Variants in MYO1E observed in about 807,000 individuals in gnomAD.
MYO1E encodes unconventional myosin-Ie.
MYO1E carries 68 observed loss-of-function variants against 151.1 expected under a neutral mutation model. The observed-to-expected ratio is 0.45, with a 90% confidence interval of 0.37 to 0.55. The LOEUF (loss-of-function observed/expected upper bound fraction) is 0.55. Among genes scored for constraint, MYO1E ranks in the 20% least tolerant of loss-of-function variants. The pLI, the probability that MYO1E is intolerant of heterozygous loss-of-function variation, is 0.00. For synonymous variants in MYO1E, 601 were observed against 501.7 expected (o/e 1.20, Z -2.64); for missense variants, 1,363 against 1,389.3 (o/e 0.98, Z 0.30).
chr15:59,372,396 C>A, intron 1 of MYO1E, 102 bp downstream of exon 1: 1 of 1,421,920 alleles, frequency 7.0e-7, no homozygotes, highest in Non-Finnish European at 9.6e-7. Flanking sequence ...CCACCTTCTC[C>A]ACCCCTGGCC....
At position 59,178,473 on chromosome 15, in the gene MYO1E, G is replaced by A; in HGVS notation, c.1969C>T (p.His657Tyr). 1 of 1,614,228 alleles carries A rather than the reference G, an allele frequency of 6.2e-7. No homozygotes were observed. Among genetic ancestry groups the A allele is most frequent in the Non-Finnish European group, 8.5e-7 (1 of 1,180,032 alleles). ...TCCATGTTGACCGACTGCAGCAGGTGCAGGACGCCTTGCTTCTCCTCTCCC... is the reference window on the plus strand; with the variant it reads ...TCCATGTTGACCGACTGCAGCAGGTACAGGACGCCTTGCTTCTCCTCTCCC... ...WQGEEKQGVL[H>Y]LLQSVNMDSD... is the part of the protein sequence containing the mutation. The change falls in exon 19 of 28, where the codon CAC (histidine) becomes TAC (tyrosine). Residue 657 changes from histidine (H) to tyrosine (Y), a missense_variant. His to Tyr is a moderately conservative substitution (Grantham distance 83). Coordinates refer to ENST00000288235, the MANE Select transcript of MYO1E (RefSeq NM_004998.4).
chr15:59,359,852 T>C (rs2080875888), intron 1 of MYO1E: 1 of 152,204 alleles, frequency 6.6e-6, no homozygotes, highest in Non-Finnish European at 1.5e-5. Context: ...CAGCGTTCTA[T>C]AAAACAAAGC....
intron 4 of MYO1E, among the ~76,000 whole-genome samples, chr15:59,237,890 G>A (rs539828424): frequency 1.3e-5 from 2 of 152,278 alleles, no homozygotes; most frequent in South Asian, 2.1e-4. Flanking sequence ...GCGAAACTCA[G>A]AACTTTGCTG....
intron 7 of MYO1E, 25 bp downstream of exon 7, chr15:59,227,434 G>A (rs1380700845): frequency 4.3e-6 from 7 of 1,613,780 alleles, no homozygotes; most frequent in Non-Finnish European, 5.1e-6. Context: ...CAGGAAGTGG[G>A]TAGGAAAAAA....
At chr15:59,319,934 C>T (rs111814918) in intron 1 of MYO1E, among the ~76,000 whole-genome samples, 4,989 of 151,874 alleles carry the variant, frequency 0.033, 264 homozygotes, top group African/African-American at 0.11. Context: ...AAAGAAACAC[C>T]CTAGAGACTC....
At chr15:59,220,931 A>G (rs2056494100) in intron 9 of MYO1E, among the ~76,000 whole-genome samples, 1 of 146,524 alleles carries the variant, frequency 6.8e-6, no homozygotes. Flanking sequence ...CTCTTAAAAA[A>G]AAAAAAAAAA....
At chr15:59,242,868 A>C (rs1418648982) in intron 4 of MYO1E, among the ~76,000 whole-genome samples, 1 of 152,238 alleles carries the variant, frequency 6.6e-6, no homozygotes, top group African/African-American at 2.4e-5. Flanking sequence ...GGGTAGACTC[A>C]GCCTGAAGTC....
At chr15:59,223,294 C>T (rs993158117) in intron 8 of MYO1E, 103 bp from the exon 9 acceptor site, 8 of 1,271,160 alleles carry the variant, frequency 6.3e-6, no homozygotes, top group Non-Finnish European at 9.0e-6. Context: ...AAGGATGTGA[C>T]AAGTACAGAC....
At chr15:59,231,838 C>G in intron 5 of MYO1E, 47 bp from the exon 6 acceptor site, 2 of 1,595,768 alleles carry the variant, frequency 1.3e-6, no homozygotes, top group Non-Finnish European at 1.7e-6. Flanking sequence ...GAACACCTAC[C>G]ACACAGTGTA....
rs1245448264 is a variant in MYO1E at position 59,276,013 on chromosome 15, C to T, written c.4-3564G>A. On this transcript the variant is annotated intron_variant, in intron 1 of 27. Transcript: ENST00000288235. The stretch of plus-strand genomic sequence containing the variant: ...CATTGTTACCACGCACTATCCTACG[C>T]TCTAGGGAGCAGAGGCTGAAAGTTG... 3.9e-5 allele frequency among the ~76,000 whole-genome samples: 6 copies of T among 152,204 alleles called. No homozygotes were observed. In the East Asian group the frequency reaches 9.6e-4, roughly 24 times the overall value.
At chr15:59,308,240 A>T (rs1284499986) in intron 1 of MYO1E, among the ~76,000 whole-genome samples, 1 of 142,544 alleles carries the variant, frequency 7.0e-6, no homozygotes, top group Non-Finnish European at 1.6e-5. Context: ...AAAAAAAAAA[A>T]AAAAAAAAAA....
chr15:59,150,251 C>T (rs1230131940), intron 26 of MYO1E, among the ~76,000 whole-genome samples: 2 of 152,210 alleles, frequency 1.3e-5, no homozygotes, highest in Admixed American at 1.3e-4. Flanking sequence ...CCTCTCCTTC[C>T]GGCCTCATGG....
intron 10 of MYO1E, among the ~76,000 whole-genome samples, chr15:59,217,563 A>C (rs12439599): frequency 0.94 from 119,863 of 127,510 alleles, 56,825 homozygotes; most frequent in East Asian, 1. Flanking sequence ...TCTCACTCTA[A>C]CCCCCAGGCT....
chr15:59,214,753 C>G (rs967474111), intron 10 of MYO1E, 33 bp from the exon 11 acceptor site: 1 of 1,543,944 alleles, frequency 6.5e-7, no homozygotes, highest in Admixed American at 1.7e-5. Flanking sequence ...CAGTGAACTC[C>G]TTTCCATTCA....
chr15:59,205,985 G>A (rs1471492792), intron 14 of MYO1E, among the ~76,000 whole-genome samples: 1 of 149,924 alleles, frequency 6.7e-6, no homozygotes, highest in Non-Finnish European at 1.5e-5. Context: ...AGAAACTCAT[G>A]CTCAGATACT....
At chr15:59,180,042 C>A (rs1368333289) in intron 18 of MYO1E, among the ~76,000 whole-genome samples, 3 of 152,198 alleles carry the variant, frequency 2.0e-5, no homozygotes, top group East Asian at 3.8e-4. Context: ...AGTGGCCCTG[C>A]CAGCTGGTTG....
intron 1 of MYO1E, among the ~76,000 whole-genome samples, chr15:59,356,887 T>G (rs11630796): frequency 0.75 from 111,751 of 149,756 alleles, 44,035 homozygotes; most frequent in Non-Finnish European, 0.88. Context: ...AAGTTTTTTT[T>G]TTTGTTTGTT....
At chr15:59,202,268 A>G in intron 16 of MYO1E, 58 bp downstream of exon 16, 2 of 1,482,588 alleles carry the variant, frequency 1.3e-6, no homozygotes, top group Non-Finnish European at 1.9e-6. Flanking sequence ...GCAGTTCCTT[A>G]CTCCTAGAAA....
chr15:59,195,398 A>G, intron 17 of MYO1E, 63 bp downstream of exon 17: 1 of 1,382,554 alleles, frequency 7.2e-7, no homozygotes, highest in South Asian at 1.2e-5. Context: ...GTGATGGAGG[A>G]CGGCTCATCT....
Sources: allele counts gnomAD v4.1 joint callset (sites outside exome capture counted in the v4.1 genomes callset), GRCh38; gene constraint gnomAD v4.1.1; transcripts MANE v1.5; gene names NCBI Gene and HGNC (gene_info 2026-07-23, HGNC 2026-07-21).